PCDHGB3: variants seen among roughly 807,000 people sequenced by gnomAD.
PCDHGB3 encodes the protein protocadherin gamma subfamily B, 3.
Under a neutral mutation model 59.2 loss-of-function variants are expected in PCDHGB3, and 40 were observed. That is an observed-to-expected ratio of 0.68 (90% CI 0.52 to 0.88). PCDHGB3 has a LOEUF of 0.88. PCDHGB3 is among the 40% of genes least tolerant of loss of function. The pLI, the probability that PCDHGB3 is intolerant of heterozygous loss-of-function variation, is 0.00. For missense variants in PCDHGB3, 1,309 were observed against 1,187.9 expected, an observed-to-expected ratio of 1.10 and a Z score of -1.50; for synonymous variants, 581 against 503.6, an observed-to-expected ratio of 1.15 and a Z score of -2.06.
At chr5:141,470,862 G>T (rs1363111218) in intron 1 of PCDHGB3, among the ~76,000 whole-genome samples, 1 of 151,596 alleles carries the variant, frequency 6.6e-6, no homozygotes, top group Non-Finnish European at 1.5e-5. Context: ...TAAGTTTTTT[G>T]TTTGTTTGTT....
chr5:141,385,483 A>T (rs981503954), intron 1 of PCDHGB3: 8 of 1,423,220 alleles, frequency 5.6e-6, no homozygotes, highest in Non-Finnish European at 7.3e-6. Context: ...TTAATATAGA[A>T]CACATAGGAT....
At chr5:141,498,796 G>A (rs1160540093) in intron 2 of PCDHGB3, among the ~76,000 whole-genome samples, 1 of 152,032 alleles carries the variant, frequency 6.6e-6, no homozygotes, top group Non-Finnish European at 1.5e-5. Context: ...AGCCAGGTGT[G>A]GTGGTGCACA....
chr5:141,394,317 T>C, intron 1 of PCDHGB3: 1 of 1,613,972 alleles, frequency 6.2e-7, no homozygotes, highest in Non-Finnish European at 8.5e-7. Flanking sequence ...GGCGCCCCTG[T>C]CCTCGTATAT....
intron 1 of PCDHGB3, chr5:141,419,425 C>A (rs3749766): frequency 2.5e-6 from 4 of 1,613,316 alleles, no homozygotes; most frequent in Non-Finnish European, 3.4e-6. Context: ...CCTTCGACCA[C>A]GAGCAGCTGC....
chr5:141,415,657 G>C, intron 1 of PCDHGB3: 1 of 1,576,238 alleles, frequency 6.3e-7, no homozygotes, highest in Non-Finnish European at 8.6e-7. Context: ...AAAAAAGATT[G>C]GTTTTTACTT....
intron 1 of PCDHGB3, chr5:141,394,604 C>G: frequency 6.2e-7 from 1 of 1,613,590 alleles, no homozygotes. Context: ...TGGACAGAGA[C>G]TCGGGCCAGA....
rs560197175 is a variant in PCDHGB3, at chr5:141,434,430, G to A, written c.2416-60377G>A. Among the ~76,000 whole-genome samples the A allele has an allele frequency of 2.4e-4, 36 of 152,326 alleles. 1 individual carries two copies. In the South Asian group the frequency reaches 6.4e-3, roughly 27 times the overall value. On this transcript the variant is annotated intron_variant, in intron 1 of 3. Coordinates refer to ENST00000576222, the MANE Select transcript of PCDHGB3 (RefSeq NM_018924.5). ...GCACTGTGACATGTTCATGATGGCC[G>A]TAATGCCCATGCTGGAAGGTAGTGG...
intron 1 of PCDHGB3, among the ~76,000 whole-genome samples, chr5:141,482,944 G>A (rs1362136222): frequency 6.6e-6 from 1 of 152,094 alleles, no homozygotes; most frequent in Non-Finnish European, 1.5e-5. Context: ...GTGGTTGTGG[G>A]TGCCTGTAAT....
intron 1 of PCDHGB3, chr5:141,388,760 G>T: frequency 6.2e-7 from 1 of 1,613,930 alleles, no homozygotes; most frequent in Non-Finnish European, 8.5e-7. Flanking sequence ...AATTTGACCT[G>T]AACTCTAACA....
At position 141,489,657 on chromosome 5, in the gene PCDHGB3, G is replaced by T. The variant is rs755618175; in HGVS notation, c.2416-5150G>T. 6.2e-7 allele frequency: 1 copy of T among 1,614,198 alleles called. No individual in the cohort carries two copies. Among genetic ancestry groups the T allele is most frequent in the Admixed American group, 1.7e-5 (1 of 60,030 alleles). ...CTAGCTTTGCCACCCCTGAGCGAGA[G>T]ATGCGCATCTCAGAATCAGCAGCAT... On this transcript the variant is annotated intron_variant, in intron 1 of 3. Coordinates refer to ENST00000576222, the MANE Select transcript of PCDHGB3 (RefSeq NM_018924.5). This position sits in a 1 kb window ranked among gnomAD's most constrained non-coding sequence, Gnocchi z 4.5.
Position 141,485,465 on chromosome 5 carries a change from C to A in PCDHGB3, c.2416-9342C>A, listed in dbSNP as rs2099614061. 6.2e-7 allele frequency: 1 copy of A among 1,614,044 alleles called. No homozygotes were observed. Among genetic ancestry groups the A allele is most frequent in the African/African-American group, 1.3e-5 (1 of 74,918 alleles). ...AATCGACCGAGAGGCACTGTGTGGG[C>A]TCAGTGCCAGCTGCATCGTGCCCCT... On this transcript the variant is annotated intron_variant, in intron 1 of 3. Transcript: ENST00000576222. This position sits in a 1 kb window ranked among gnomAD's most constrained non-coding sequence, Gnocchi z 5.7.
chr5:141,439,363 A>G (rs922889903), intron 1 of PCDHGB3, among the ~76,000 whole-genome samples: 2 of 152,208 alleles, frequency 1.3e-5, no homozygotes, highest in African/African-American at 2.4e-5. Context: ...TCAAACATCA[A>G]GAAGAAATAA....
intron 1 of PCDHGB3, chr5:141,394,617 G>T (rs369651266): frequency 8.1e-6 from 13 of 1,613,372 alleles, no homozygotes; most frequent in Non-Finnish European, 1.1e-5. Flanking sequence ...GGGCCAGAAC[G>T]CCTGGCTGTC....
At chr5:141,414,015 A>C in intron 1 of PCDHGB3, 1 of 1,613,160 alleles carries the variant, frequency 6.2e-7, no homozygotes, top group South Asian at 1.1e-5. Context: ...CCAATGGAGA[A>C]GTGACATATT....
intron 3 of PCDHGB3, among the ~76,000 whole-genome samples, chr5:141,509,437 C>T (rs923580110): frequency 2.6e-5 from 4 of 152,104 alleles, no homozygotes; most frequent in African/African-American, 9.7e-5. Context: ...ACTCTTGTTT[C>T]CTCCTCTCCC....
In PCDHGB3 at chr5:141,413,469, G is replaced by A. The variant is rs766765319; in HGVS notation, c.2415+40660G>A. 5 of 1,614,012 alleles carry A rather than the reference G, an allele frequency of 3.1e-6. No individual in the cohort carries two copies. The African/African-American group carries it at 5.3e-5, about 17-fold the overall frequency. On this transcript the variant is annotated intron_variant, in intron 1 of 3. Transcript: ENST00000576222. ...CCGCGGGCAGGATAGACCGGGAGGA[G>A]CTCTGCGCTCAGAGCGCGCGGTGCG...
intron 1 of PCDHGB3, among the ~76,000 whole-genome samples, chr5:141,381,744 G>A (rs1175308296): frequency 3.3e-5 from 5 of 151,430 alleles, no homozygotes; most frequent in Non-Finnish European, 5.9e-5. Flanking sequence ...TTTGGATTCC[G>A]ACATTGTTCT....
Position 141,505,463 on chromosome 5 carries a change from A to G in PCDHGB3, c.2545A>G (p.Ile849Val). 1 of 1,614,184 alleles carries G rather than the reference A, an allele frequency of 6.2e-7. No homozygotes were observed. Among genetic ancestry groups the G allele is most frequent in the East Asian group, 2.2e-5 (1 of 44,876 alleles). Residue 849 changes from isoleucine to valine, a missense_variant, in exon 3 of 4, where the codon ATC (isoleucine) becomes GTC (valine). Ile to Val is a conservative substitution (Grantham distance 29). Transcript: ENST00000576222. Reference protein sequence around the residue: ...QFDTEMLQAMILASASEAADG... With the variant: ...QFDTEMLQAMVLASASEAADG... ...TGACACAGAGATGCTGCAAGCCATG[A>G]TCTTGGCGTCCGCCAGTGGTAAGTG...
In PCDHGB3 at chr5:141,486,585, GGGA is replaced by G; in HGVS notation, c.2416-8221_2416-8219del. The G allele has an allele frequency of 6.2e-7, 1 of 1,613,708 alleles. No individual in the cohort carries two copies. Among genetic ancestry groups the G allele is most frequent in the Non-Finnish European group, 8.5e-7 (1 of 1,180,024 alleles). On this transcript the variant is annotated intron_variant, in intron 1 of 3. Transcript: ENST00000576222. This position sits in a 1 kb window ranked among gnomAD's most constrained non-coding sequence, Gnocchi z 5.0. ...TTTGTTCCTGAGAACAATCGCCCAG[GGGA>G]CCTGCTTTGCTCCCTTGCAGCCTCT...
Sources: gnomAD v4.1 joint callset for allele counts (sites outside exome capture counted in the v4.1 genomes callset) on GRCh38, gnomAD v4.1.1 for gene constraint, Gnocchi (gnomAD v3.1) non-coding constraint, MANE v1.5 for transcripts, NCBI Gene and HGNC (gene_info 2026-07-23, HGNC 2026-07-21) for gene names.